The following FADS3 variants were observed in gnomAD, a reference collection of about 807,000 sequenced individuals.
The protein encoded by FADS3 is cytochrome b5-related protein.
A neutral mutation model predicts 60.4 loss-of-function variants in FADS3; 30 were observed. The observed-to-expected ratio is 0.50, with a 90% CI of 0.37 to 0.67. The LOEUF (loss-of-function observed/expected upper bound fraction) is 0.67. Among genes scored for constraint, FADS3 ranks in the 30% least tolerant of loss-of-function variants. The pLI is 0.00. For synonymous variants in FADS3, 234 were observed against 249.3 expected (o/e 0.94, Z 0.58); for missense variants, 432 against 598.3 (o/e 0.72, Z 2.90).
rs1591206184 is a variant in FADS3, at chr11:61,891,540, C to G, written c.-159G>C. The G allele has an allele frequency of 1.9e-5, 7 of 370,390 alleles. No homozygotes were observed. Among genetic ancestry groups the G allele is most frequent in the Non-Finnish European group, 3.1e-5 (7 of 228,078 alleles). 22.9% of individuals were successfully genotyped at this position (370,390 alleles called of 1,614,324 possible). ...GCCGTACGAGCGAGCGTGCGCCTCC[C>G]GGCTCGCGGCGCAGGGAACTCCCCG... On this transcript the variant is annotated 5_prime_UTR_variant, in exon 1 of 12. Coordinates refer to ENST00000278829, the MANE Select transcript of FADS3 (RefSeq NM_021727.5).
intron 1 of FADS3, among the ~76,000 whole-genome samples, chr11:61,885,705 G>T (rs1183354028): frequency 6.6e-6 from 1 of 152,200 alleles, no homozygotes; most frequent in Non-Finnish European, 1.5e-5. Context: ...GAATGTGCCA[G>T]ATCAGTCAGG....
rs1011975085 is a variant in FADS3 at position 61,875,883 on chromosome 11, C to T, written c.1254G>A (p.Lys418=). The change falls in exon 11 of 12, where the codon AAG becomes AAA. Residue 418 remains lysine (K), a synonymous_variant. Transcript: ENST00000278829. ...TGTCCACCAGCGCGGTGAGGAAGGG[C>T]TTCACTTCGTAGCTGAGGCCGTGCT... The part of the protein sequence containing the change: ...CAKHGLSYEV[K]PFLTALVDIV... The T allele has an allele frequency of 6.2e-7, 1 of 1,613,626 alleles. No homozygotes were observed. Among genetic ancestry groups the T allele is most frequent in the African/African-American group, 1.3e-5 (1 of 74,934 alleles).
At chr11:61,888,602 T>C (rs1273803642) in intron 1 of FADS3, among the ~76,000 whole-genome samples, 1 of 152,180 alleles carries the variant, frequency 6.6e-6, no homozygotes, top group Non-Finnish European at 1.5e-5. Context: ...CCAAATAAGG[T>C]CACCCAGGAA....
At chr11:61,884,557 G>A (rs1170821075) in intron 1 of FADS3, among the ~76,000 whole-genome samples, 1 of 152,192 alleles carries the variant, frequency 6.6e-6, no homozygotes, top group Non-Finnish European at 1.5e-5. Context: ...GTGGTGTGCG[G>A]GGGTCCTTGC....
In FADS3 at chr11:61,876,246, C is replaced by T. The variant is rs1005239130; in HGVS notation, c.1081-56G>A. The T allele has an allele frequency of 5.0e-5, 79 of 1,572,950 alleles. No homozygotes were observed. The highest frequency in any genetic ancestry group is 1.5e-4 in the South Asian group (13 of 87,584). Reference sequence around the variant, plus strand: ...AGGCCGTTGCAGATCCCTGACCCCACGGCACCATCCCCCACCTGGCAGCCC... The same window carrying T: ...AGGCCGTTGCAGATCCCTGACCCCATGGCACCATCCCCCACCTGGCAGCCC... On this transcript the variant is annotated intron_variant, in intron 9 of 11. Coordinates refer to ENST00000278829, the MANE Select transcript of FADS3 (RefSeq NM_021727.5). The surrounding 1 kb of genome is among the most constrained non-coding windows in gnomAD (Gnocchi z 5.7).
chr11:61,888,734 G>C (rs966990366), intron 1 of FADS3, among the ~76,000 whole-genome samples: 1 of 152,102 alleles, frequency 6.6e-6, no homozygotes, highest in African/African-American at 2.4e-5. Context: ...CCATGGGCTT[G>C]AGGAGACACA....
chr11:61,878,672 C>A, intron 4 of FADS3, 38 bp from the exon 5 acceptor site: 1 of 1,612,940 alleles, frequency 6.2e-7, no homozygotes, highest in Non-Finnish European at 8.5e-7. Flanking sequence ...CAGGCTGTGC[C>A]CCCGACTGTG....
intron 1 of FADS3, among the ~76,000 whole-genome samples, chr11:61,889,429 A>T (rs1341214841): frequency 6.6e-6 from 1 of 151,720 alleles, no homozygotes; most frequent in Non-Finnish European, 1.5e-5. Flanking sequence ...AGGTGGGTGG[A>T]TCACGAGGTC....
At chr11:61,886,517 G>A (rs1286665142) in intron 1 of FADS3, among the ~76,000 whole-genome samples, 1 of 152,126 alleles carries the variant, frequency 6.6e-6, no homozygotes, top group Admixed American at 6.5e-5. Context: ...TGTGGTAGGA[G>A]GGAGTGGAGT....
At chr11:61,882,003 CTGT>C (rs1392400994) in intron 1 of FADS3, 5 of 150,312 alleles carry the variant, frequency 3.3e-5, no homozygotes, top group African/African-American at 1.2e-4. Flanking sequence ...CCCCAGGAAG[CTGT>C]CTGGGCCCCC....
rs1937880719 is a variant in FADS3, at chr11:61,876,299, T to C, written c.1080+60A>G. The C allele has an allele frequency of 1.3e-6, 2 of 1,594,512 alleles. No homozygotes were observed. Among genetic ancestry groups the C allele is most frequent in the Non-Finnish European group, 1.7e-6 (2 of 1,167,488 alleles). On this transcript the variant is annotated intron_variant, in intron 9 of 11. Coordinates refer to ENST00000278829, the MANE Select transcript of FADS3 (RefSeq NM_021727.5). The surrounding 1 kb of genome is among the most constrained non-coding windows in gnomAD (Gnocchi z 5.7). ...TCAGGGCCTCATCCCTGCTTTGCCA[T>C]CTGGCTCCTAGCTGGGACCCCCCAC...
intron 1 of FADS3, among the ~76,000 whole-genome samples, chr11:61,883,181 C>T (rs780030506): frequency 9.2e-5 from 14 of 152,290 alleles, no homozygotes; most frequent in Non-Finnish European, 1.8e-4. Flanking sequence ...CCAACTGAAA[C>T]TCTGTCCCCA....
intron 1 of FADS3, among the ~76,000 whole-genome samples, chr11:61,884,829 G>A (rs892613018): frequency 6.6e-6 from 1 of 152,228 alleles, no homozygotes; most frequent in Non-Finnish European, 1.5e-5. Flanking sequence ...GCAGAGCTGG[G>A]TGAAAGTGCT....
In FADS3 at chr11:61,873,686, A is replaced by G; in HGVS notation, c.*128T>C. On this transcript the variant is annotated 3_prime_UTR_variant, in exon 12 of 12. Coordinates refer to ENST00000278829, the MANE Select transcript of FADS3 (RefSeq NM_021727.5). Reference sequence around the variant, plus strand: ...CATGTGAGGGGGCCGAGGGGAAGACAACAGTACCAGGAGGGCAGGCAGGGC... The same window carrying G: ...CATGTGAGGGGGCCGAGGGGAAGACGACAGTACCAGGAGGGCAGGCAGGGC... 1.4e-6 allele frequency: 1 copy of G among 723,190 alleles called. No homozygotes were observed. Among genetic ancestry groups the G allele is most frequent in the Non-Finnish European group, 2.5e-6 (1 of 398,876 alleles). 44.8% of individuals were successfully genotyped at this position (723,190 alleles called of 1,614,324 possible). A position where few individuals can be genotyped will look rare whatever the true frequency, so the allele number is the denominator to read the frequency against.
rs779549009 is a variant in FADS3, at chr11:61,878,127, C to A, written c.808+28G>T. 7 of 1,608,132 alleles carry A rather than the reference C, an allele frequency of 4.4e-6. No homozygotes were observed. In the East Asian group the frequency reaches 6.7e-5, roughly 15 times the overall value. ...GACAGTGCAGGCCCAGGCACTCCCCCACCCCAGAAGGACAGATGGACACTC... is the reference window on the plus strand; with the variant it reads ...GACAGTGCAGGCCCAGGCACTCCCCAACCCCAGAAGGACAGATGGACACTC... On this transcript the variant is annotated intron_variant, in intron 6 of 11. Coordinates refer to ENST00000278829, the MANE Select transcript of FADS3 (RefSeq NM_021727.5).
At chr11:61,891,716 C>T (rs1432293191), upstream of FADS3, 2 of 152,522 alleles carry the variant, frequency 1.3e-5, no homozygotes, top group African/African-American at 4.9e-5. Flanking sequence ...AGGGCGGCGT[C>T]GAGGCGGCCC....
chr11:61,884,390 C>T lies in FADS3; in HGVS notation c.214-4239G>A, dbSNP rs112697517. Among the ~76,000 whole-genome samples the T allele has an allele frequency of 4.9e-3, 752 of 152,204 alleles. 2 individuals carry two copies. The highest frequency in any genetic ancestry group is 0.017 in the African/African-American group (711 of 41,508). ...GCTTAAAACCTAGATGAGGGGTTGACGGGTGCAGCAAACCACCATGGCACA... is the reference window on the plus strand; with the variant it reads ...GCTTAAAACCTAGATGAGGGGTTGATGGGTGCAGCAAACCACCATGGCACA... On this transcript the variant is annotated intron_variant, in intron 1 of 11. Coordinates refer to ENST00000278829, the MANE Select transcript of FADS3 (RefSeq NM_021727.5).
chr11:61,878,315 C>T lies in FADS3; in HGVS notation c.748-100G>A, dbSNP rs569702679. On this transcript the variant is annotated intron_variant, in intron 5 of 11. Transcript: ENST00000278829. ...GGCTGGGGCCAAGGGTCAAAGGCAA[C>T]TCTAGATTCTAGCAAGCGGGCTGGT... 3.5e-6 allele frequency: 5 copies of T among 1,410,212 alleles called. No individual in the cohort carries two copies. In the Admixed American group the frequency reaches 8.8e-5, roughly 25 times the overall value. 87.4% of individuals were successfully genotyped at this position (1,410,212 alleles called of 1,614,324 possible).
At chr11:61,875,574 C>G (rs573959384) in intron 11 of FADS3, among the ~76,000 whole-genome samples, 1 of 152,288 alleles carries the variant, frequency 6.6e-6, no homozygotes, top group South Asian at 2.1e-4. Flanking sequence ...TTAAGTGTTT[C>G]CTTCTGAGAA....
Sources: allele counts gnomAD v4.1 joint callset (sites outside exome capture counted in the v4.1 genomes callset), GRCh38; gene constraint gnomAD v4.1.1; non-coding constraint Gnocchi (gnomAD v3.1); transcripts MANE v1.5; gene names NCBI Gene and HGNC (gene_info 2026-07-23, HGNC 2026-07-21).